The following ARHGEF11 variants were observed in gnomAD, a reference collection of about 807,000 sequenced individuals.
The protein encoded by ARHGEF11 is Rho guanine exchange factor (GEF) 11.
Under a neutral mutation model 193.7 loss-of-function variants are expected in ARHGEF11, and 55 were observed. The observed-to-expected ratio is 0.28, with a 90% CI of 0.23 to 0.36. The LOEUF is 0.36. ARHGEF11 is among the 10% of genes least tolerant of loss of function. The pLI is 1.00. For missense variants in ARHGEF11, 1,723 were observed against 2,005.6 expected, an observed-to-expected ratio of 0.86 and a Z score of 2.69; for synonymous variants, 693 against 768.0, an observed-to-expected ratio of 0.90 and a Z score of 1.62.
intron 1 of ARHGEF11, among the ~76,000 whole-genome samples, chr1:157,039,094 C>T (rs1672421490): frequency 6.6e-6 from 1 of 152,208 alleles, no homozygotes; most frequent in African/African-American, 2.4e-5. Context: ...TCAGTTCCTC[C>T]CCATGTTTCC....
chr1:156,952,760 G>A (rs1286816113), intron 21 of ARHGEF11, among the ~76,000 whole-genome samples: 3 of 152,266 alleles, frequency 2.0e-5, no homozygotes, highest in African/African-American at 4.8e-5. Context: ...TTCTAAAACT[G>A]TGTAAGTAGC....
chr1:156,951,523 C>T (rs767523650), intron 22 of ARHGEF11, 50 bp downstream of exon 22: 5 of 1,608,252 alleles, frequency 3.1e-6, no homozygotes, highest in Non-Finnish European at 4.2e-6. Context: ...TCAGCCCTGC[C>T]CATGACCCAC....
intron 1 of ARHGEF11, among the ~76,000 whole-genome samples, chr1:157,015,515 A>G (rs1669108758): frequency 6.6e-6 from 1 of 152,218 alleles, no homozygotes; most frequent in Non-Finnish European, 1.5e-5. Context: ...CACAGGGCAC[A>G]TCGCCATCAC....
chr1:157,013,052 T>C (rs1451134348), intron 1 of ARHGEF11, among the ~76,000 whole-genome samples: 1 of 152,108 alleles, frequency 6.6e-6, no homozygotes, highest in Admixed American at 6.6e-5. Flanking sequence ...AGAGGAGGTA[T>C]ATGAAGTTGA....
At chr1:157,013,377 C>T (rs1668809842) in intron 1 of ARHGEF11, among the ~76,000 whole-genome samples, 2 of 151,766 alleles carry the variant, frequency 1.3e-5, no homozygotes, top group Admixed American at 6.6e-5. Flanking sequence ...GTAGCACAGC[C>T]ATGTCTCACC....
At chr1:157,035,051 T>G (rs937164259) in intron 1 of ARHGEF11, among the ~76,000 whole-genome samples, 1 of 152,160 alleles carries the variant, frequency 6.6e-6, no homozygotes, top group African/African-American at 2.4e-5. Flanking sequence ...GGTACAGTAA[T>G]GAGACCTACG....
chr1:157,032,405 C>T (rs1258636460), intron 1 of ARHGEF11, among the ~76,000 whole-genome samples: 1 of 152,178 alleles, frequency 6.6e-6, no homozygotes, highest in Non-Finnish European at 1.5e-5. Flanking sequence ...GCACAGAATG[C>T]CAGTATTGGC....
intron 35 of ARHGEF11, among the ~76,000 whole-genome samples, chr1:156,940,917 C>A (rs1446919145): frequency 6.6e-6 from 1 of 152,232 alleles, no homozygotes; most frequent in Non-Finnish European, 1.5e-5. Flanking sequence ...CAGGTTATTT[C>A]TCACGCAAGC....
intron 13 of ARHGEF11, among the ~76,000 whole-genome samples, chr1:156,962,177 T>G (rs538318240): frequency 2.6e-5 from 4 of 152,284 alleles, no homozygotes; most frequent in African/African-American, 9.6e-5. Context: ...ATGTTTTATT[T>G]CTCTTTGTGG....
chr1:156,950,664 A>AAAAC (rs553238000), intron 22 of ARHGEF11, among the ~76,000 whole-genome samples: 68 of 151,818 alleles, frequency 4.5e-4, no homozygotes, highest in African/African-American at 1.4e-3. Flanking sequence ...AAAAATCCCC[A>AAAAC]AAACAAACAA....
chr1:156,947,581 C>T (rs917358158), intron 25 of ARHGEF11, 131 bp from the exon 26 acceptor site: 15 of 1,353,802 alleles, frequency 1.1e-5, no homozygotes, highest in African/African-American at 1.5e-5. Flanking sequence ...TCAGATCATA[C>T]AGCAACTTTT....
At chr1:157,040,907 A>G (rs1672658578) in intron 1 of ARHGEF11, among the ~76,000 whole-genome samples, 1 of 152,232 alleles carries the variant, frequency 6.6e-6, no homozygotes, top group Non-Finnish European at 1.5e-5. Flanking sequence ...CACACCATAT[A>G]AAAATGTTTG....
At position 156,961,657 on chromosome 1, in the gene ARHGEF11, C is replaced by A. The variant is rs1571259300; in HGVS notation, c.1239+20G>T. 1 of 1,605,102 alleles carries A rather than the reference C, an allele frequency of 6.2e-7. No individual in the cohort carries two copies. Among genetic ancestry groups the A allele is most frequent in the Non-Finnish European group, 8.5e-7 (1 of 1,171,806 alleles). On this transcript the variant is annotated intron_variant, in intron 14 of 40. Transcript: ENST00000368194. ...TCAAAGAATATGATAAAATTATAATCCAATCTATGACTGCCTTACCGCATT... is the reference window on the plus strand; with the variant it reads ...TCAAAGAATATGATAAAATTATAATACAATCTATGACTGCCTTACCGCATT...
chr1:156,938,799 G>A, intron 37 of ARHGEF11: 1 of 422,314 alleles, frequency 2.4e-6, no homozygotes, highest in Non-Finnish European at 4.2e-6. Context: ...GAGGCAGAGT[G>A]GAATCCCAGG....
intron 1 of ARHGEF11, among the ~76,000 whole-genome samples, chr1:157,000,950 G>A (rs1458723310): frequency 1.3e-5 from 2 of 152,222 alleles, no homozygotes; most frequent in Non-Finnish European, 2.9e-5. Flanking sequence ...AGAAGTAGAA[G>A]AAAGAAGGGC....
intron 35 of ARHGEF11, among the ~76,000 whole-genome samples, chr1:156,940,961 C>T (rs1214676357): frequency 6.6e-6 from 1 of 152,228 alleles, no homozygotes; most frequent in East Asian, 1.9e-4. Flanking sequence ...CTACCAATCC[C>T]ATCACAGTAA....
intron 2 of ARHGEF11, among the ~76,000 whole-genome samples, chr1:156,984,873 T>C (rs1664700100): frequency 6.6e-6 from 1 of 152,148 alleles, no homozygotes; most frequent in South Asian, 2.1e-4. Context: ...GCAAGTGGTA[T>C]ACCAATGCTT....
chr1:156,947,153 C>T (rs1460285424), intron 26 of ARHGEF11, 138 bp from the exon 27 acceptor site: 7 of 1,456,322 alleles, frequency 4.8e-6, no homozygotes, highest in Non-Finnish European at 6.6e-6. Flanking sequence ...GGGTGAACTC[C>T]AGTGCTGGTT....
intron 20 of ARHGEF11, 123 bp downstream of exon 20, chr1:156,955,580 G>T: frequency 1.3e-6 from 1 of 755,444 alleles, no homozygotes; most frequent in Non-Finnish European, 2.3e-6. Flanking sequence ...AGTGGCTGTG[G>T]TCTGAGTTTG....
Sources: allele counts gnomAD v4.1 joint callset (sites outside exome capture counted in the v4.1 genomes callset), GRCh38; gene constraint gnomAD v4.1.1; transcripts MANE v1.5; gene names NCBI Gene and HGNC (gene_info 2026-07-23, HGNC 2026-07-21).